DLG5: variants seen among roughly 807,000 people sequenced by gnomAD.
DLG5 encodes disks large homolog 5.
Under a neutral mutation model 189.8 loss-of-function variants are expected in DLG5, and 48 were observed. The observed-to-expected ratio is 0.25, with a 90% CI of 0.20 to 0.32. The LOEUF is 0.32. DLG5 is among the 10% of genes least tolerant of loss of function. The probability of loss-of-function intolerance (pLI) is 1.00; values close to 1 mark genes in which losing one functional copy is unlikely to be tolerated. For missense variants in DLG5, 2,160 were observed against 2,544.7 expected (o/e 0.85, Z 3.25); for synonymous variants, 1,016 against 1,054.1 (o/e 0.96, Z 0.70).
At chr10:77,854,147 G>A (rs139868547) in intron 4 of DLG5, 80 bp downstream of exon 4, 21 of 1,536,924 alleles carry the variant, frequency 1.4e-5, no homozygotes, top group Non-Finnish European at 1.8e-5. Flanking sequence ...AGAACCCCTG[G>A]CTACTAAGTC....
chr10:77,884,178 G>A (rs1340752410), intron 1 of DLG5, among the ~76,000 whole-genome samples: 1 of 152,168 alleles, frequency 6.6e-6, no homozygotes, highest in African/African-American at 2.4e-5. Flanking sequence ...GCCTGGAGGG[G>A]TTGGTCTGCC....
intron 1 of DLG5, among the ~76,000 whole-genome samples, chr10:77,915,921 AG>A (rs1383981685): frequency 3.3e-5 from 5 of 152,218 alleles, no homozygotes; most frequent in African/African-American, 7.2e-5. Context: ...GAATGCCACT[AG>A]GATTGTTTGG....
intron 2 of DLG5, among the ~76,000 whole-genome samples, chr10:77,858,918 G>C (rs1272654985): frequency 1.3e-5 from 2 of 152,080 alleles, no homozygotes; most frequent in African/African-American, 4.8e-5. Context: ...TGTCACCCAG[G>C]CTGGAGTACA....
chr10:77,855,651 C>G (rs904593552), intron 3 of DLG5, among the ~76,000 whole-genome samples: 3 of 152,228 alleles, frequency 2.0e-5, no homozygotes, highest in African/African-American at 7.2e-5. Flanking sequence ...CTAGCACATC[C>G]ACGTCTTCAC....
chr10:77,803,886 ATTT>A (rs71030905), intron 27 of DLG5, among the ~76,000 whole-genome samples: 34,516 of 129,320 alleles, frequency 0.27, 4,605 homozygotes, highest in Admixed American at 0.4. Flanking sequence ...ACAGGTTGGC[ATTT>A]TTTTTTTTTT....
At chr10:77,841,617 G>GT (rs746056907) in intron 7 of DLG5, among the ~76,000 whole-genome samples, 5 of 152,226 alleles carry the variant, frequency 3.3e-5, no homozygotes, top group African/African-American at 4.8e-5. Context: ...GGGTTTGGGT[G>GT]TGAGTGTTGG....
In DLG5 at chr10:77,839,034, G is replaced by A. The variant is rs74140378; in HGVS notation, c.1437+2847C>T. 1.0e-2 allele frequency among the ~76,000 whole-genome samples: 1,517 copies of A among 152,360 alleles called. 27 individuals carry two copies. Among genetic ancestry groups the A allele is most frequent in the African/African-American group, 0.034 (1,415 of 41,590 alleles). ...AACACCCCCTGTGGAGGATGGAGGCGGGCTCCAGGCTGAATGGCTCGCCTG... is the reference window on the plus strand; with the variant it reads ...AACACCCCCTGTGGAGGATGGAGGCAGGCTCCAGGCTGAATGGCTCGCCTG... On this transcript the variant is annotated intron_variant, in intron 7 of 31. Transcript: ENST00000372391.
chr10:77,935,287 T>C, the DLG5 span, among the ~76,000 whole-genome samples: 1 of 152,092 alleles, frequency 6.6e-6, no homozygotes, highest in African/African-American at 2.4e-5. Context: ...TTGTACCCTC[T>C]GTACCTACCT....
chr10:77,871,293 G>A (rs192289833), intron 1 of DLG5, among the ~76,000 whole-genome samples: 18 of 152,240 alleles, frequency 1.2e-4, no homozygotes, highest in African/African-American at 4.3e-4. Flanking sequence ...AAAGCCTGAG[G>A]GTGAGGGGGT....
chr10:77,816,246 C>T (rs111339386), intron 20 of DLG5: 46 of 633,658 alleles, frequency 7.3e-5, no homozygotes, highest in African/African-American at 2.9e-4. Flanking sequence ...CTTAGCCACA[C>T]GTAAAGTGCT....
In DLG5 at chr10:77,821,212, T is replaced by G; in HGVS notation, c.3272A>C (p.Lys1091Thr). 6.2e-7 allele frequency: 1 copy of G among 1,614,184 alleles called. No homozygotes were observed. The change falls in exon 15 of 32, where the codon AAG becomes ACG. Residue 1091 changes from lysine (K) to threonine (T), a missense_variant. Lys to Thr is a moderately conservative substitution (Grantham distance 78). Transcript: ENST00000372391. ...GDGDSSHLPA[K>T]KSCDEDLTSQ... ...GGTGAGGTCCTCATCACAGGATTTC[T>G]TGGCCGGCAGGTGGGAGGAGTCCCC...
At chr10:77,893,025 C>A (rs1845655777) in intron 1 of DLG5, among the ~76,000 whole-genome samples, 1 of 152,238 alleles carries the variant, frequency 6.6e-6, no homozygotes, top group African/African-American at 2.4e-5. Context: ...GGTTGGGAGC[C>A]AAGCCTAGTC....
At position 77,822,929 on chromosome 10, in the gene DLG5, T is replaced by TG. The variant is rs531257594; in HGVS notation, c.2383-829dup. Among the ~76,000 whole-genome samples the TG allele has an allele frequency of 1.6e-4, 25 of 152,234 alleles. No individual in the cohort carries two copies. The South Asian group carries it at 5.0e-3, about 30-fold the overall frequency. Reference sequence around the variant, plus strand: ...TTGTTGCCAGGGGCTTGCATAAATATGGGGAGCATAGGGAATTTTTAGAGC... The same window carrying TG: ...TTGTTGCCAGGGGCTTGCATAAATATGGGGGAGCATAGGGAATTTTTAGAGC... On this transcript the variant is annotated intron_variant, in intron 14 of 31. Transcript: ENST00000372391.
At chr10:77,914,098 A>C (rs1483044157) in intron 1 of DLG5, among the ~76,000 whole-genome samples, 1 of 151,470 alleles carries the variant, frequency 6.6e-6, no homozygotes. Context: ...TCCTTTCCTC[A>C]AAAACAAGCT....
At chr10:77,829,634 TCA>T (rs1406796229) in intron 11 of DLG5, 104 bp from the exon 12 acceptor site, 2 of 1,334,266 alleles carry the variant, frequency 1.5e-6, no homozygotes, top group African/African-American at 2.9e-5. Context: ...AGTGGGTGCC[TCA>T]CATACACGCT....
chr10:77,885,932 C>A lies in DLG5; in HGVS notation c.305-16735G>T, dbSNP rs549965285. On this transcript the variant is annotated intron_variant, in intron 1 of 31. Coordinates refer to ENST00000372391, the MANE Select transcript of DLG5 (RefSeq NM_004747.4). ...AGGAGGAAGGGGATGAAGGAAGTGC[C>A]CTCCAGCGAAGGCAAGAGTGCAGGA... Among the ~76,000 whole-genome samples the A allele has an allele frequency of 4.6e-5, 7 of 152,202 alleles. No homozygotes were observed. The East Asian group carries it at 1.4e-3, about 29-fold the overall frequency.
chr10:77,813,291 A>G lies in DLG5; in HGVS notation c.4026-914T>C, dbSNP rs374676680. ...GGCCAGTCCAGGTCCCCTCTACAGC[A>G]CATGGTCAGGATAGATTCTAGCGGG... On this transcript the variant is annotated intron_variant, in intron 20 of 31. Transcript: ENST00000372391. Among the ~76,000 whole-genome samples, 21 of 152,338 alleles carry G rather than the reference A, an allele frequency of 1.4e-4. 3 individuals are homozygous for G. Among genetic ancestry groups the G allele is most frequent in the East Asian group, 7.7e-4 (4 of 5,182 alleles).
In DLG5 at chr10:77,841,889, G is replaced by A. The variant is rs751145428; in HGVS notation, c.1429C>T (p.Leu477=). The change falls in exon 7 of 32, where the codon CTG becomes TTG. Residue 477 remains leucine, a synonymous_variant. Coordinates refer to ENST00000372391, the MANE Select transcript of DLG5 (RefSeq NM_004747.4). ...KKAANEEMEA[L]RQIKDTVTMD... is the part of the protein sequence containing the mutation. ...CCGGCCCACCCACCTACCTGCCGCAGCGCCTCCATCTCCTCATTGGCCGCC... is the reference window on the plus strand; with the variant it reads ...CCGGCCCACCCACCTACCTGCCGCAACGCCTCCATCTCCTCATTGGCCGCC... The A allele has an allele frequency of 4.4e-6, 7 of 1,606,646 alleles. No homozygotes were observed. Among genetic ancestry groups the A allele is most frequent in the Non-Finnish European group, 5.1e-6 (6 of 1,174,558 alleles).
At position 77,819,393 on chromosome 10, in the gene DLG5, C is replaced by T. The variant is rs746286734; in HGVS notation, c.3599G>A (p.Arg1200His). ...SILRNPIYTV[R>H]SHRVGPCSSP... ...GCTGCAGGGGCCGACCCTGTGACTGCGCACAGTGTAGATGGGGTTCCGCAG... is the reference window on the plus strand; with the variant it reads ...GCTGCAGGGGCCGACCCTGTGACTGTGCACAGTGTAGATGGGGTTCCGCAG... Residue 1200 changes from arginine (R) to histidine (H), a missense_variant, in exon 17 of 32, where the codon CGC becomes CAC. Coordinates refer to ENST00000372391, the MANE Select transcript of DLG5 (RefSeq NM_004747.4). 4.8e-4 allele frequency: 771 copies of T among 1,613,924 alleles called. No individual in the cohort carries two copies. The highest frequency in any genetic ancestry group is 6.4e-4 in the Non-Finnish European group (757 of 1,180,016).
Sources: allele counts gnomAD v4.1 joint callset (sites outside exome capture counted in the v4.1 genomes callset), GRCh38; gene constraint gnomAD v4.1.1; transcripts MANE v1.5; gene names NCBI Gene and HGNC (gene_info 2026-07-23, HGNC 2026-07-21).